The following MACROD2 variants were observed in gnomAD, a reference collection of about 807,000 sequenced individuals.
The protein encoded by MACROD2 is mono-ADP ribosylhydrolase 2, also known as ADP-ribose glycohydrolase MACROD2.
In MACROD2, 36 loss-of-function variants were observed where a neutral mutation model predicts 70.4. The ratio of observed to expected loss-of-function variants is 0.51; its 90% CI spans 0.39 to 0.68. The LOEUF is 0.68. MACROD2 is among the 30% of genes least tolerant of loss of function. The pLI is 0.00. For missense variants in MACROD2, 496 were observed against 538.4 expected (o/e 0.92, Z 0.78); for synonymous variants, 172 against 178.8 (o/e 0.96, Z 0.30).
intron 5 of MACROD2, chr20:14,850,527 C>G (rs1231328404): frequency 6.6e-6 from 1 of 152,464 alleles, no homozygotes; most frequent in Non-Finnish European, 1.5e-5. Flanking sequence ...GATGCTTCAA[C>G]TAGAGTGTTT....
intron 5 of MACROD2, among the ~76,000 whole-genome samples, chr20:15,197,528 C>A (rs1294612310): frequency 2.6e-5 from 4 of 152,074 alleles, no homozygotes; most frequent in African/African-American, 9.7e-5. Context: ...ATAAGACTAC[C>A]CACTAGACAA....
intron 3 of MACROD2, among the ~76,000 whole-genome samples, chr20:14,484,165 T>C (rs999215640): frequency 6.6e-6 from 1 of 152,228 alleles, no homozygotes; most frequent in African/African-American, 2.4e-5. Context: ...ATGCTAAATT[T>C]CAGCTAATTT....
At chr20:15,327,953 G>C (rs1363710369) in intron 6 of MACROD2, among the ~76,000 whole-genome samples, 1 of 152,018 alleles carries the variant, frequency 6.6e-6, no homozygotes, top group South Asian at 2.1e-4. Context: ...TATCCTTGTG[G>C]AGTTTACAGA....
chr20:15,134,899 A>G (rs1239604453), intron 5 of MACROD2, among the ~76,000 whole-genome samples: 2 of 152,174 alleles, frequency 1.3e-5, no homozygotes, highest in East Asian at 1.9e-4. Context: ...CCGATCCCAC[A>G]GAAATACAAA....
At position 15,021,110 on chromosome 20, in the gene MACROD2, A is replaced by ATGTATACACATG. The variant is rs2075168182; in HGVS notation, c.419-208827_419-208826insATACACATGTGT. Among the ~76,000 whole-genome samples, 3 of 93,098 alleles carry ATGTATACACATG rather than the reference A, an allele frequency of 3.2e-5. 1 individual carries two copies. The highest frequency in any genetic ancestry group is 1.4e-4 in the African/African-American group (3 of 21,938). 61.1% of individuals were successfully genotyped at this position (93,098 alleles called of 152,430 possible). On this transcript the variant is annotated intron_variant, in intron 5 of 17. Coordinates refer to ENST00000684519, the MANE Select transcript of MACROD2 (RefSeq NM_001351661.2). ...TACACGTGTATGTGTATACACGTGT[A>ATGTATACACATG]TGTGTATACACGTGTGTATACACAT... is the stretch of plus-strand genomic sequence containing the variant.
intron 8 of MACROD2, among the ~76,000 whole-genome samples, chr20:15,653,831 T>C (rs1376220134): frequency 1.3e-5 from 2 of 152,176 alleles, no homozygotes; most frequent in African/African-American, 4.8e-5. Flanking sequence ...GGAAAACTGG[T>C]AAGACCTTGT....
intron 8 of MACROD2, among the ~76,000 whole-genome samples, chr20:15,841,833 G>A (rs192028782): frequency 6.6e-6 from 1 of 152,086 alleles, no homozygotes; most frequent in African/African-American, 2.4e-5. Flanking sequence ...TTTGTGATGG[G>A]TTCAGCTAGA....
rs62204377 is a variant in MACROD2, at chr20:14,427,356, A to G, written c.272-66123A>G. Among the ~76,000 whole-genome samples, 394 of 151,974 alleles carry G rather than the reference A, an allele frequency of 2.6e-3. 4 individuals are homozygous for G. The South Asian group carries it at 0.029, about 11-fold the overall frequency. On this transcript the variant is annotated intron_variant, in intron 3 of 17. Coordinates refer to ENST00000684519, the MANE Select transcript of MACROD2 (RefSeq NM_001351661.2). ...GGTACTTTCGCCTTCTAGTTTGTCT[A>G]CAGCTTCTCTGGAAGCTCTCAGTTT...
chr20:14,369,987 A>G (rs1208375284), intron 3 of MACROD2, among the ~76,000 whole-genome samples: 1 of 152,222 alleles, frequency 6.6e-6, no homozygotes, highest in African/African-American at 2.4e-5. Context: ...GAATAGAATA[A>G]ATATAAACTT....
At chr20:15,999,848 T>A (rs1175654112) in intron 15 of MACROD2, among the ~76,000 whole-genome samples, 1 of 152,228 alleles carries the variant, frequency 6.6e-6, no homozygotes, top group Admixed American at 6.5e-5. Context: ...TGCAGAATTA[T>A]TAAAGTAGAA....
chr20:14,186,816 GC>G (rs1268215812), intron 3 of MACROD2, among the ~76,000 whole-genome samples: 2 of 152,210 alleles, frequency 1.3e-5, no homozygotes, highest in Non-Finnish European at 2.9e-5. Flanking sequence ...GCAGCTAGAA[GC>G]CATTTTCCTG....
chr20:16,028,018 A>G (rs1377464335), intron 15 of MACROD2, among the ~76,000 whole-genome samples: 1 of 152,206 alleles, frequency 6.6e-6, no homozygotes, highest in African/African-American at 2.4e-5. Flanking sequence ...AAAGCCAGAC[A>G]TGTGGAATGT....
At chr20:14,402,498 T>G (rs1209117446) in intron 3 of MACROD2, among the ~76,000 whole-genome samples, 2 of 152,050 alleles carry the variant, frequency 1.3e-5, no homozygotes, top group South Asian at 4.1e-4. Context: ...ATAGGGGAAA[T>G]GTATGTGTGT....
chr20:14,729,039 A>G (rs538491858), intron 5 of MACROD2, among the ~76,000 whole-genome samples: 1 of 152,286 alleles, frequency 6.6e-6, no homozygotes, highest in East Asian at 1.9e-4. Flanking sequence ...TTGTCTCCTT[A>G]GGATTTTCTA....
At chr20:14,374,854 G>A (rs1343014358) in intron 3 of MACROD2, among the ~76,000 whole-genome samples, 1 of 152,072 alleles carries the variant, frequency 6.6e-6, no homozygotes, top group Non-Finnish European at 1.5e-5. Context: ...AGGAGTTTTT[G>A]CTTTTTGCGT....
chr20:15,800,491 C>T (rs2063714164), intron 8 of MACROD2, among the ~76,000 whole-genome samples: 1 of 152,154 alleles, frequency 6.6e-6, no homozygotes, highest in South Asian at 2.1e-4. Context: ...TTTTATTCCT[C>T]TGCATAGGGA....
chr20:15,347,501 T>C (rs2078179598), intron 6 of MACROD2, among the ~76,000 whole-genome samples: 1 of 152,128 alleles, frequency 6.6e-6, no homozygotes, highest in South Asian at 2.1e-4. Flanking sequence ...TGGGAAAATG[T>C]AAATCAAACC....
At chr20:15,018,792 C>T (rs1453807018) in intron 5 of MACROD2, among the ~76,000 whole-genome samples, 1 of 152,162 alleles carries the variant, frequency 6.6e-6, no homozygotes, top group Non-Finnish European at 1.5e-5. Flanking sequence ...ATGTTCATCT[C>T]TTTTGGCAAC....
chr20:15,759,416 C>T (rs562555204), intron 8 of MACROD2, among the ~76,000 whole-genome samples: 1 of 152,186 alleles, frequency 6.6e-6, no homozygotes, highest in South Asian at 2.1e-4. Flanking sequence ...AGGATAATGA[C>T]GTTGGACACC....
Sources: allele counts gnomAD v4.1 joint callset (sites outside exome capture counted in the v4.1 genomes callset), GRCh38; gene constraint gnomAD v4.1.1; transcripts MANE v1.5; gene names NCBI Gene and HGNC (gene_info 2026-07-23, HGNC 2026-07-21).